ALDH18A1: variants seen among roughly 807,000 people sequenced by gnomAD.
ALDH18A1 encodes the protein delta-1-pyrroline-5-carboxylate synthase.
Under a neutral mutation model 88.8 loss-of-function variants are expected in ALDH18A1, and 44 were observed. That is an observed-to-expected ratio of 0.50 (90% CI 0.39 to 0.64). ALDH18A1 has a LOEUF of 0.64. ALDH18A1 is among the 30% of genes least tolerant of loss of function. ALDH18A1 has a pLI of 0.00. For missense variants in ALDH18A1, 782 were observed against 1,009.5 expected (o/e 0.77, Z 3.05); for synonymous variants, 331 against 372.1 (o/e 0.89, Z 1.27).
chr10:95,628,740 C>T (rs978133704), intron 7 of ALDH18A1: 2 of 489,786 alleles, frequency 4.1e-6, no homozygotes, highest in Non-Finnish European at 7.4e-6. Flanking sequence ...CAGATCATGG[C>T]CATATCCTCA....
At chr10:95,612,166 G>A (rs923315174) in intron 15 of ALDH18A1, among the ~76,000 whole-genome samples, 3 of 152,288 alleles carry the variant, frequency 2.0e-5, no homozygotes, top group East Asian at 3.9e-4. Context: ...GTACCCTAGC[G>A]AAGTCCCAGG....
intron 2 of ALDH18A1, among the ~76,000 whole-genome samples, chr10:95,652,896 T>G (rs1469410049): frequency 6.6e-6 from 1 of 151,520 alleles, no homozygotes; most frequent in Non-Finnish European, 1.5e-5. Flanking sequence ...CTTTTAAACC[T>G]TTTTTCTTGG....
intron 2 of ALDH18A1, among the ~76,000 whole-genome samples, chr10:95,652,466 T>TA (rs2097911840): frequency 6.6e-6 from 1 of 152,238 alleles, no homozygotes; most frequent in South Asian, 2.1e-4. Context: ...GCACAGTGGC[T>TA]AACGCCTGTA....
intron 2 of ALDH18A1, among the ~76,000 whole-genome samples, chr10:95,646,887 G>A (rs897426529): frequency 6.6e-6 from 1 of 152,104 alleles, no homozygotes; most frequent in Non-Finnish European, 1.5e-5. Flanking sequence ...CTCTGACAGA[G>A]GAGAACCCTT....
chr10:95,625,440 G>A lies in ALDH18A1; in HGVS notation c.1168C>T (p.His390Tyr). ...LEPEQRAEII[H>Y]HLADLLTDQR... is the part of the protein sequence containing the mutation. ...TCCGTCAACAGATCAGCCAGATGAT[G>A]GATAATTTCTGCTCTCTAGAAGAAA... is the stretch of plus-strand genomic sequence containing the variant. The change falls in exon 11 of 18, where the codon CAT becomes TAT. Residue 390 changes from histidine (H) to tyrosine (Y), a missense_variant. Coordinates refer to ENST00000371224, the MANE Select transcript of ALDH18A1 (RefSeq NM_002860.4). The A allele has an allele frequency of 6.2e-7, 1 of 1,613,702 alleles. No homozygotes were observed. Among genetic ancestry groups the A allele is most frequent in the Non-Finnish European group, 8.5e-7 (1 of 1,179,838 alleles).
At chr10:95,655,690 G>A (rs2097916957) in intron 1 of ALDH18A1, among the ~76,000 whole-genome samples, 1 of 146,458 alleles carries the variant, frequency 6.8e-6, no homozygotes, top group African/African-American at 2.8e-5. Flanking sequence ...GAGTGTGTGT[G>A]TGTGTGTGTG....
At position 95,653,314 on chromosome 10, in the gene ALDH18A1, T is replaced by C; in HGVS notation, c.64A>G (p.Lys22Glu). The C allele has an allele frequency of 1.1e-5, 17 of 1,612,640 alleles. No homozygotes were observed. Among genetic ancestry groups the C allele is most frequent in the Non-Finnish European group, 1.4e-5 (17 of 1,179,796 alleles). Residue 22 changes from lysine to glutamate, a missense_variant, in exon 2 of 18, where the codon AAG becomes GAG. This residue lies in a region of ALDH18A1 where 94 missense variants were observed against 99.5 expected (regional missense o/e 0.94). Transcript: ENST00000371224. ...PFNQHLLPWV[K>E]CTTVFRSHCI... ...CGAGATCTGAAGACGGTTGTACACT[T>C]GACCCAGGGCAGAAGATGTTGGTTG...
At chr10:95,649,007 T>C (rs985354470) in intron 2 of ALDH18A1, among the ~76,000 whole-genome samples, 13 of 152,208 alleles carry the variant, frequency 8.5e-5, no homozygotes, top group African/African-American at 3.1e-4. Context: ...AAGAGATTTT[T>C]CTGTCTAATG....
chr10:95,610,340 C>T lies in ALDH18A1; in HGVS notation c.2111-48G>A, dbSNP rs759965579. 3.2e-6 allele frequency: 5 copies of T among 1,585,850 alleles called. No homozygotes were observed. In the Admixed American group the frequency reaches 8.4e-5, roughly 27 times the overall value. On this transcript the variant is annotated intron_variant, in intron 16 of 17. Coordinates refer to ENST00000371224, the MANE Select transcript of ALDH18A1 (RefSeq NM_002860.4). ...CCAAGTTAGGATGATACCCAGAGAACATCCCTGTTTCCAGCCATTGACTGG... is the reference window on the plus strand; with the variant it reads ...CCAAGTTAGGATGATACCCAGAGAATATCCCTGTTTCCAGCCATTGACTGG...
intron 11 of ALDH18A1, 148 bp downstream of exon 11, chr10:95,625,214 C>G: frequency 1.3e-6 from 1 of 772,452 alleles, no homozygotes; most frequent in Non-Finnish European, 2.3e-6. Context: ...CAGCCACCCA[C>G]CTACCCTCAA....
intron 3 of ALDH18A1, among the ~76,000 whole-genome samples, chr10:95,642,081 AAACTGAAAATTT>A (rs2097892839): frequency 1.3e-5 from 2 of 152,228 alleles, no homozygotes; most frequent in Admixed American, 6.5e-5. Flanking sequence ...TGTTTTTTAA[AAACTGAAAATTT>A]AATTACAAGG....
At chr10:95,618,645 G>C (rs2097847616) in intron 12 of ALDH18A1, among the ~76,000 whole-genome samples, 1 of 152,156 alleles carries the variant, frequency 6.6e-6, no homozygotes, top group Non-Finnish European at 1.5e-5. Context: ...ATTAACTACT[G>C]AAAGTTCTTT....
intron 5 of ALDH18A1, 104 bp from the exon 6 acceptor site, chr10:95,633,753 G>A (rs368107078): frequency 4.0e-6 from 5 of 1,249,402 alleles, no homozygotes; most frequent in East Asian, 2.5e-5. Flanking sequence ...TAGGTTTCTG[G>A]GGCCCCACAC....
intron 11 of ALDH18A1, 81 bp downstream of exon 11, chr10:95,625,281 C>G (rs2097858702): frequency 9.2e-7 from 1 of 1,088,466 alleles, no homozygotes; most frequent in Non-Finnish European, 1.4e-6. Context: ...TTTAGGCAGA[C>G]ATAAGAATTA....
At position 95,643,014 on chromosome 10, in the gene ALDH18A1, C is replaced by T. The variant is rs754612598; in HGVS notation, c.281G>A (p.Arg94His). The T allele has an allele frequency of 5.0e-6, 8 of 1,613,684 alleles. No individual in the cohort carries two copies. Among genetic ancestry groups the T allele is most frequent in the South Asian group, 1.1e-5 (1 of 91,058 alleles). ...CACCTGCTCAACAATAGATGCCAAGCGCCCCAGGGCCAGGCCACATTCATC... is the reference window on the plus strand; with the variant it reads ...CACCTGCTCAACAATAGATGCCAAGTGCCCCAGGGCCAGGCCACATTCATC... Reference protein sequence around the residue: ...RGDECGLALGRLASIVEQVSV... With the variant: ...RGDECGLALGHLASIVEQVSV... Residue 94 changes from arginine (R) to histidine (H), a missense_variant, in exon 3 of 18, where the codon CGC becomes CAC. Arg to His is a conservative substitution (Grantham distance 29). Coordinates refer to ENST00000371224, the MANE Select transcript of ALDH18A1 (RefSeq NM_002860.4).
intron 8 of ALDH18A1, among the ~76,000 whole-genome samples, chr10:95,628,141 A>G (rs1236335614): frequency 6.6e-6 from 1 of 152,254 alleles, no homozygotes; most frequent in East Asian, 1.9e-4. Flanking sequence ...AGTTTACAAC[A>G]TGAACACACT....
chr10:95,627,529 T>C lies in ALDH18A1; in HGVS notation c.991A>G (p.Thr331Ala). The change falls in exon 9 of 18, where the codon ACC becomes GCC. Residue 331 changes from threonine to alanine, a missense_variant. By Grantham distance (58) the Thr-to-Ala change is moderately conservative. Transcript: ENST00000371224. ...GGTSVVIANG[T>A]HPKVSGHVIT... ...ACGTGCCCAGACACCTTTGGGTGGG[T>C]TCCATTGGCAATAACAACAGAAGTG... 6.2e-7 allele frequency: 1 copy of C among 1,614,100 alleles called. No individual in the cohort carries two copies. Among genetic ancestry groups the C allele is most frequent in the Non-Finnish European group, 8.5e-7 (1 of 1,179,992 alleles).
chr10:95,632,661 G>A (rs1188668916), intron 7 of ALDH18A1, among the ~76,000 whole-genome samples: 1 of 152,184 alleles, frequency 6.6e-6, no homozygotes, highest in Non-Finnish European at 1.5e-5. Context: ...ACCACGCCAG[G>A]ACAGAATTGT....
chr10:95,625,808 A>G (rs368009222), intron 10 of ALDH18A1, among the ~76,000 whole-genome samples: 17 of 152,178 alleles, frequency 1.1e-4, no homozygotes, highest in African/African-American at 4.1e-4. Flanking sequence ...AGGAGACTGT[A>G]TAATCTGTAG....
Sources: gnomAD v4.1 joint callset for allele counts (sites outside exome capture counted in the v4.1 genomes callset) on GRCh38, gnomAD v4.1.1 for gene constraint, gnomAD v4.1.1 regional missense constraint, MANE v1.5 for transcripts, NCBI Gene and HGNC (gene_info 2026-07-23, HGNC 2026-07-21) for gene names.